SBNO1: variants seen among roughly 807,000 people sequenced by gnomAD.
SBNO1 encodes the protein strawberry notch homolog 1.
Under a neutral mutation model 173.6 loss-of-function variants are expected in SBNO1, and 23 were observed. The observed-to-expected ratio is 0.13, with a 90% CI of 0.10 to 0.19. SBNO1 has a LOEUF of 0.19. SBNO1 is among the 10% of genes least tolerant of loss of function. SBNO1 has a pLI of 1.00. For missense variants in SBNO1, 1,238 were observed against 1,671.2 expected (o/e 0.74, Z 4.52); for synonymous variants, 632 against 571.5 (o/e 1.11, Z -1.51).
chr12:123,345,098 T>C (rs1315289231), intron 4 of SBNO1, among the ~76,000 whole-genome samples, 160 bp downstream of exon 4: 1 of 152,212 alleles, frequency 6.6e-6, no homozygotes, highest in Non-Finnish European at 1.5e-5. Context: ...TCTAAACTTT[T>C]GCTTCCCTTG....
chr12:123,335,884 T>C (rs553115576), intron 6 of SBNO1, among the ~76,000 whole-genome samples: 7 of 152,200 alleles, frequency 4.6e-5, no homozygotes, highest in Non-Finnish European at 8.8e-5. Context: ...CTTGAGTCTA[T>C]CAGTAGTTGA....
In SBNO1 at chr12:123,320,945, T is replaced by G. The variant is rs540078675; in HGVS notation, c.2324-79A>C. 33 of 1,203,088 alleles carry G rather than the reference T, an allele frequency of 2.7e-5. 1 individual carries two copies. In the South Asian group the frequency reaches 5.3e-4, roughly 19 times the overall value. 74.5% of individuals were successfully genotyped at this position (1,203,088 alleles called of 1,614,324 possible). A position where few individuals can be genotyped will look rare whatever the true frequency, so the allele number is the denominator to read the frequency against. On this transcript the variant is annotated intron_variant, in intron 17 of 31. Transcript: ENST00000602398. Reference sequence around the variant, plus strand: ...TCTTCAAAGGAAACAACCTTTGAAATTTTATTTTTTTGAGACAATGTTTCG... The same window carrying G: ...TCTTCAAAGGAAACAACCTTTGAAAGTTTATTTTTTTGAGACAATGTTTCG...
chr12:123,359,090 A>G (rs1874815211), intron 1 of SBNO1, among the ~76,000 whole-genome samples: 3 of 151,444 alleles, frequency 2.0e-5, no homozygotes, highest in Non-Finnish European at 4.4e-5. Context: ...CCACCACCAT[A>G]CTCAGCTAAT....
rs200234316 is a variant in SBNO1, at chr12:123,328,932, T to C, written c.1135-37A>G. The C allele has an allele frequency of 7.2e-4, 917 of 1,268,562 alleles. 14 individuals are homozygous for C. The highest frequency in any genetic ancestry group is 1.0e-3 in the Admixed American group (49 of 47,684). 78.6% of individuals were successfully genotyped at this position (1,268,562 alleles called of 1,614,324 possible). ...AAGAAAAGAATTTAGTTAATTAGTATACCTTTCTCTCTGCAACATTCATCC... is the reference window on the plus strand; with the variant it reads ...AAGAAAAGAATTTAGTTAATTAGTACACCTTTCTCTCTGCAACATTCATCC... On this transcript the variant is annotated intron_variant, in intron 9 of 31. Transcript: ENST00000602398.
Position 123,340,658 on chromosome 12 carries a change from C to A in SBNO1, c.651+330G>T, listed in dbSNP as rs554277951. On this transcript the variant is annotated intron_variant, in intron 5 of 31. Coordinates refer to ENST00000602398, the MANE Select transcript of SBNO1 (RefSeq NM_001167856.3). ...GATCTGTCAATGCATTATGAGCTTT[C>A]TATTCAAGTTCGGTCCTAAAATGAA... 6.1e-4 allele frequency among the ~76,000 whole-genome samples: 90 copies of A among 148,360 alleles called. 1 individual carries two copies. The South Asian group carries it at 0.019, about 31-fold the overall frequency.
At position 123,293,988 on chromosome 12, in the gene SBNO1, G is replaced by T. The variant is rs1347800899; in HGVS notation, c.*1920C>A. ...TAAAAACACACACATGAGCTGAGAAGTTCTGCTGAAGGTGGGGAGAGTGCT... is the reference window on the plus strand; with the variant it reads ...TAAAAACACACACATGAGCTGAGAATTTCTGCTGAAGGTGGGGAGAGTGCT... On this transcript the variant is annotated 3_prime_UTR_variant, in exon 32 of 32. Transcript: ENST00000602398. 1 of 152,270 alleles carries T rather than the reference G, an allele frequency of 6.6e-6. No individual in the cohort carries two copies. The highest frequency in any genetic ancestry group is 1.5e-5 in the Non-Finnish European group (1 of 68,074). 9.4% of individuals were successfully genotyped at this position (152,270 alleles called of 1,614,324 possible). A position where few individuals can be genotyped will look rare whatever the true frequency, so the allele number is the denominator to read the frequency against.
intron 21 of SBNO1, among the ~76,000 whole-genome samples, chr12:123,316,325 A>G (rs918586849): frequency 6.6e-6 from 1 of 152,116 alleles, no homozygotes; most frequent in Non-Finnish European, 1.5e-5. Flanking sequence ...CCCGGGTTCA[A>G]GCGATTCTCC....
chr12:123,353,483 G>A (rs1466041947), intron 1 of SBNO1, among the ~76,000 whole-genome samples: 3 of 152,094 alleles, frequency 2.0e-5, no homozygotes, highest in Non-Finnish European at 4.4e-5. Context: ...TAAAATTGGA[G>A]GGGGAATAAA....
chr12:123,320,112 T>C (rs768602929), intron 19 of SBNO1, 81 bp from the exon 20 acceptor site: 48 of 1,492,430 alleles, frequency 3.2e-5, no homozygotes, highest in Non-Finnish European at 4.1e-5. Flanking sequence ...TTGAAGACAC[T>C]TGGGAGATAA....
At chr12:123,318,088 A>G (rs1326599331) in intron 20 of SBNO1, among the ~76,000 whole-genome samples, 1 of 152,128 alleles carries the variant, frequency 6.6e-6, no homozygotes, top group Non-Finnish European at 1.5e-5. Context: ...CAGCCTCCTC[A>G]GTAGCTGGGA....
chr12:123,315,204 A>G (rs868660607), intron 23 of SBNO1, among the ~76,000 whole-genome samples, 169 bp downstream of exon 23: 1 of 152,248 alleles, frequency 6.6e-6, no homozygotes, highest in Non-Finnish European at 1.5e-5. Flanking sequence ...GATACTTAAC[A>G]TGCGATCTAA....
At chr12:123,330,319 T>G in intron 9 of SBNO1, 100 bp downstream of exon 9, 3 of 729,132 alleles carry the variant, frequency 4.1e-6, no homozygotes, top group East Asian at 5.4e-5. Flanking sequence ...CATCAAAGTT[T>G]TCCAAAAAGT....
In SBNO1 at chr12:123,346,520, C is replaced by T. The variant is rs529944561; in HGVS notation, c.238-950G>A. 3.9e-4 allele frequency among the ~76,000 whole-genome samples: 60 copies of T among 152,074 alleles called. 1 individual carries two copies. The highest frequency in any genetic ancestry group is 1.6e-3 in the Admixed American group (24 of 15,246). On this transcript the variant is annotated intron_variant, in intron 3 of 31. Coordinates refer to ENST00000602398, the MANE Select transcript of SBNO1 (RefSeq NM_001167856.3). ...TCTACTAAAAATACAAAAAATTAGC[C>T]GGGCGTGGTGGCGGATGCCTATAGT... is the stretch of plus-strand genomic sequence containing the variant.
At chr12:123,314,470 C>T (rs1286636875) in intron 23 of SBNO1, among the ~76,000 whole-genome samples, 1 of 151,872 alleles carries the variant, frequency 6.6e-6, no homozygotes, top group Non-Finnish European at 1.5e-5. Flanking sequence ...GCTAGGACTA[C>T]AGGCGCACAC....
chr12:123,321,246 T>C (rs1255864477), intron 17 of SBNO1, among the ~76,000 whole-genome samples: 1 of 152,176 alleles, frequency 6.6e-6, no homozygotes, highest in African/African-American at 2.4e-5. Context: ...GATGAAATTT[T>C]TTATATTGTT....
At position 123,325,487 on chromosome 12, in the gene SBNO1, G is replaced by A. The variant is rs767402184; in HGVS notation, c.1973+15C>T. ...TCAAAAAGAAACAAAAACATTAAAAGAACAAAAACATTACTTGGCAGTTGA... is the reference window on the plus strand; with the variant it reads ...TCAAAAAGAAACAAAAACATTAAAAAAACAAAAACATTACTTGGCAGTTGA... On this transcript the variant is annotated intron_variant, in intron 15 of 31. Coordinates refer to ENST00000602398, the MANE Select transcript of SBNO1 (RefSeq NM_001167856.3). 3 of 1,565,142 alleles carry A rather than the reference G, an allele frequency of 1.9e-6. No individual in the cohort carries two copies. Among genetic ancestry groups the A allele is most frequent in the Admixed American group, 3.4e-5 (2 of 59,390 alleles).
intron 4 of SBNO1, among the ~76,000 whole-genome samples, chr12:123,343,187 CGCGCCATT>C: frequency 6.6e-6 from 1 of 152,130 alleles, no homozygotes; most frequent in East Asian, 1.9e-4. Context: ...AAGCCGAGGT[CGCGCCATT>C]GCACTCCAGC....
chr12:123,364,516 G>T, intron 1 of SBNO1, 185 bp downstream of exon 1: 1 of 983,960 alleles, frequency 1.0e-6, no homozygotes, highest in Non-Finnish European at 1.2e-6. Context: ...CCGCCGTCGG[G>T]AACATGCCCC....
chr12:123,334,016 TA>T, intron 7 of SBNO1, 36 bp downstream of exon 7: 1 of 1,405,052 alleles, frequency 7.1e-7, no homozygotes, highest in Non-Finnish European at 9.6e-7. Flanking sequence ...TAGAATAGGA[TA>T]AAATAATTAT....
Sources: gnomAD v4.1 joint callset for allele counts (sites outside exome capture counted in the v4.1 genomes callset) on GRCh38, gnomAD v4.1.1 for gene constraint, MANE v1.5 for transcripts, NCBI Gene and HGNC (gene_info 2026-07-23, HGNC 2026-07-21) for gene names.